Variants in FOXO1 observed in about 807,000 individuals in gnomAD.
FOXO1 encodes forkhead box protein O1.
FOXO1 carries 6 observed loss-of-function variants against 44.1 expected under a neutral mutation model. The ratio of observed to expected loss-of-function variants is 0.14; its 90% CI spans 0.07 to 0.27. The LOEUF (loss-of-function observed/expected upper bound fraction) is 0.27. FOXO1 is among the 10% of genes least tolerant of loss of function. The pLI is 1.00. For synonymous variants in FOXO1, 380 were observed against 362.7 expected (o/e 1.05, Z -0.54); for missense variants, 737 against 888.8 (o/e 0.83, Z 2.17).
At position 40,665,583 on chromosome 13, in the gene FOXO1, C is replaced by T; in HGVS notation, c.630G>A (p.Lys210=). ...KGDSNSSAGW[K]NSIRHNLSLH... ...CCGGCCGCGCGCCGAGTCCACTCACCTTCCAGCCCGCCGAGCTGTTGCTGT... is the reference window on the plus strand; with the variant it reads ...CCGGCCGCGCGCCGAGTCCACTCACTTTCCAGCCCGCCGAGCTGTTGCTGT... The change falls in exon 1 of 3, where the codon AAG becomes AAA. Residue 210 remains lysine, a splice_region_variant and synonymous_variant. Transcript: ENST00000379561. The T allele has an allele frequency of 7.0e-7, 1 of 1,419,184 alleles. No individual in the cohort carries two copies. 87.9% of individuals were successfully genotyped at this position (1,419,184 alleles called of 1,614,324 possible).
intron 1 of FOXO1, among the ~76,000 whole-genome samples, chr13:40,584,426 C>A (rs1875070138): frequency 7.6e-6 from 1 of 131,758 alleles, no homozygotes; most frequent in Admixed American, 9.0e-5. Context: ...GAGTTCAAGA[C>A]CAGCCTGGGC....
intron 1 of FOXO1, among the ~76,000 whole-genome samples, chr13:40,664,570 AG>A (rs1325859550): frequency 5.7e-4 from 86 of 152,040 alleles, no homozygotes; most frequent in Non-Finnish European, 1.2e-4. Flanking sequence ...TTGGTCGCAA[AG>A]CCCCCCCGCC....
chr13:40,589,502 CAG>C lies in FOXO1; in HGVS notation c.631-28644_631-28643del, dbSNP rs527330305. On this transcript the variant is annotated intron_variant, in intron 1 of 2. Transcript: ENST00000379561. ...ACTGCTGCAAAATAACAGAATATTT[CAG>C]AGTCAAATTCAAGGATCTGTGTTGT... 3.9e-3 allele frequency among the ~76,000 whole-genome samples: 599 copies of C among 152,310 alleles called. 3 individuals carry two copies. The highest frequency in any genetic ancestry group is 4.1e-3 in the Non-Finnish European group (279 of 68,018).
intron 1 of FOXO1, among the ~76,000 whole-genome samples, chr13:40,594,318 T>C (rs1381420252): frequency 1.3e-5 from 2 of 151,994 alleles, no homozygotes; most frequent in Non-Finnish European, 2.9e-5. Flanking sequence ...GAGGAAGAAC[T>C]GAAGAGCAGG....
chr13:40,623,891 G>A (rs1331907864), intron 1 of FOXO1, among the ~76,000 whole-genome samples: 2 of 147,554 alleles, frequency 1.4e-5, no homozygotes, highest in African/African-American at 5.0e-5. Flanking sequence ...TTTGAGACCA[G>A]CCTGGGCAAC....
chr13:40,574,046 A>T (rs1420872421), intron 1 of FOXO1, among the ~76,000 whole-genome samples: 1 of 152,202 alleles, frequency 6.6e-6, no homozygotes, highest in African/African-American at 2.4e-5. Context: ...CCAAAAGGGA[A>T]CTGAATATCA....
intron 1 of FOXO1, among the ~76,000 whole-genome samples, chr13:40,630,584 G>A (rs1876929023): frequency 6.6e-6 from 1 of 152,020 alleles, no homozygotes. Flanking sequence ...GAACCCAAGA[G>A]GTGGAGGTTG....
intron 1 of FOXO1, among the ~76,000 whole-genome samples, chr13:40,609,342 A>C (rs1321419737): frequency 1.3e-5 from 2 of 152,128 alleles, no homozygotes; most frequent in Non-Finnish European, 2.9e-5. Context: ...TGTTTTACAA[A>C]GGAGAGGCAT....
intron 1 of FOXO1, among the ~76,000 whole-genome samples, chr13:40,665,229 C>T (rs1243373326): frequency 1.3e-5 from 2 of 152,064 alleles, no homozygotes; most frequent in African/African-American, 4.8e-5. Flanking sequence ...AAGGGGCAGC[C>T]GAAGCAGTCG....
chr13:40,642,523 T>C (rs1332779598), intron 1 of FOXO1, among the ~76,000 whole-genome samples: 1 of 152,210 alleles, frequency 6.6e-6, no homozygotes, highest in African/African-American at 2.4e-5. Context: ...CTTGGCAAAC[T>C]TACCCTTTGG....
chr13:40,655,892 C>G (rs964107354), intron 1 of FOXO1, among the ~76,000 whole-genome samples: 1 of 152,170 alleles, frequency 6.6e-6, no homozygotes, highest in East Asian at 1.9e-4. Context: ...CCACCTCAAC[C>G]TCCCAAAGTG....
chr13:40,595,432 T>C (rs993871036), intron 1 of FOXO1, among the ~76,000 whole-genome samples: 1 of 152,170 alleles, frequency 6.6e-6, no homozygotes, highest in African/African-American at 2.4e-5. Flanking sequence ...GGGCCTGAGA[T>C]TTCCTGGTGA....
Position 40,666,349 on chromosome 13 carries a change from C to G in FOXO1, c.-137G>C, listed in dbSNP as rs377238277. The G allele has an allele frequency of 4.8e-4, 322 of 666,232 alleles. 1 individual carries two copies. The East Asian group carries it at 9.0e-3, about 19-fold the overall frequency. 41.3% of individuals were successfully genotyped at this position (666,232 alleles called of 1,614,324 possible). On this transcript the variant is annotated 5_prime_UTR_variant, in exon 1 of 3. Transcript: ENST00000379561. ...AGCCGGTGCGGCGAGCGGACGGAAACTGGGAGGAAGGCGCGGCGGAGTGGA... is the reference window on the plus strand; with the variant it reads ...AGCCGGTGCGGCGAGCGGACGGAAAGTGGGAGGAAGGCGCGGCGGAGTGGA...
intron 1 of FOXO1, among the ~76,000 whole-genome samples, chr13:40,573,465 G>T (rs1217950131): frequency 6.6e-6 from 1 of 152,218 alleles, no homozygotes; most frequent in Non-Finnish European, 1.5e-5. Context: ...TTGGGCTCCA[G>T]AGAGAAGGGA....
intron 1 of FOXO1, among the ~76,000 whole-genome samples, chr13:40,584,501 A>C (rs2701866): frequency 6.8e-5 from 8 of 117,194 alleles, no homozygotes; most frequent in African/African-American, 1.5e-4. Context: ...AAAAAAAAAA[A>C]GCCAGATGCA....
At chr13:40,604,486 A>G (rs1875928191) in intron 1 of FOXO1, among the ~76,000 whole-genome samples, 1 of 151,942 alleles carries the variant, frequency 6.6e-6, no homozygotes, top group African/African-American at 2.4e-5. Flanking sequence ...CACTTATATT[A>G]GAATGGATTC....
At chr13:40,644,251 C>T (rs1877443269) in intron 1 of FOXO1, among the ~76,000 whole-genome samples, 2 of 152,140 alleles carry the variant, frequency 1.3e-5, no homozygotes, top group Admixed American at 1.3e-4. Context: ...GGTGGGAAAA[C>T]TGAGACAAAG....
intron 1 of FOXO1, among the ~76,000 whole-genome samples, chr13:40,573,219 G>T (rs2137840040): frequency 6.6e-6 from 1 of 152,338 alleles, no homozygotes; most frequent in Non-Finnish European, 1.5e-5. Context: ...GAAGCCTGCA[G>T]AGCAGCTTTC....
At position 40,605,761 on chromosome 13, in the gene FOXO1, C is replaced by T. The variant is rs1365470791; in HGVS notation, c.631-44901G>A. On this transcript the variant is annotated intron_variant, in intron 1 of 2. Coordinates refer to ENST00000379561, the MANE Select transcript of FOXO1 (RefSeq NM_002015.4). ...CCTCTCTAGTCAGTTGCCAGCAGTACGTATGAATCAGTAGCTACGTAAGCC... is the reference window on the plus strand; with the variant it reads ...CCTCTCTAGTCAGTTGCCAGCAGTATGTATGAATCAGTAGCTACGTAAGCC... Among the ~76,000 whole-genome samples, 3 of 152,106 alleles carry T rather than the reference C, an allele frequency of 2.0e-5. 1 individual carries two copies. In the East Asian group the frequency reaches 5.8e-4, roughly 29 times the overall value.
Sources: gnomAD v4.1 joint callset for allele counts (sites outside exome capture counted in the v4.1 genomes callset) on GRCh38, gnomAD v4.1.1 for gene constraint, MANE v1.5 for transcripts, NCBI Gene and HGNC (gene_info 2026-07-23, HGNC 2026-07-21) for gene names.